Variants in BLOC1S5 observed in about 807,000 individuals in gnomAD.
The protein encoded by BLOC1S5 is biogenesis of lysosome-related organelles complex 1 subunit 5.
Under a neutral mutation model 24.3 loss-of-function variants are expected in BLOC1S5, and 27 were observed. That is an observed-to-expected ratio of 1.11 (90% CI 0.82 to 1.53). The LOEUF (loss-of-function observed/expected upper bound fraction) is 1.53. Among genes scored for constraint, BLOC1S5 ranks in the 40% most tolerant of loss-of-function variants. The pLI is 0.00. For synonymous variants in BLOC1S5, 84 were observed against 74.5 expected (o/e 1.13, Z -0.66); for missense variants, 239 against 229.4 (o/e 1.04, Z -0.27).
Position 8,018,772 on chromosome 6 carries a change from G to A in BLOC1S5, c.385-2944C>T, listed in dbSNP as rs904261576. Among the ~76,000 whole-genome samples, 9 of 152,316 alleles carry A rather than the reference G, an allele frequency of 5.9e-5. No individual in the cohort carries two copies. In the East Asian group the frequency reaches 1.5e-3, roughly 26 times the overall value. The stretch of plus-strand genomic sequence containing the variant: ...GGTAAATATTATACAAATCACAAGC[G>A]AAGCATCTAGAAGGCAGATCACTCC... On this transcript the variant is annotated intron_variant, in intron 4 of 4. Coordinates refer to ENST00000397457, the MANE Select transcript of BLOC1S5 (RefSeq NM_201280.3).
chr6:8,051,341 C>T (rs559784730), intron 2 of BLOC1S5, among the ~76,000 whole-genome samples: 3 of 152,300 alleles, frequency 2.0e-5, no homozygotes, highest in African/African-American at 7.2e-5. Context: ...AAGGCCCTAA[C>T]TCTATTCAAT....
chr6:8,022,332 A>C (rs543588953), intron 4 of BLOC1S5, among the ~76,000 whole-genome samples: 49 of 151,362 alleles, frequency 3.2e-4, no homozygotes, highest in Admixed American at 8.6e-4. Context: ...CCAAAGTGCC[A>C]ACAGTGCTGA....
intron 4 of BLOC1S5, among the ~76,000 whole-genome samples, chr6:8,019,495 C>T (rs1762850877): frequency 6.6e-6 from 1 of 151,966 alleles, no homozygotes. Flanking sequence ...TCTTGAACTC[C>T]TGACCTCAGG....
chr6:8,062,121 T>C (rs988216711), intron 2 of BLOC1S5, among the ~76,000 whole-genome samples: 3 of 152,178 alleles, frequency 2.0e-5, no homozygotes, highest in Non-Finnish European at 4.4e-5. Context: ...GTGGAACCTG[T>C]AAGAAAGGAA....
At chr6:8,059,277 A>G (rs1200635494) in intron 2 of BLOC1S5, among the ~76,000 whole-genome samples, 1 of 152,268 alleles carries the variant, frequency 6.6e-6, no homozygotes, top group Non-Finnish European at 1.5e-5. Flanking sequence ...AATATTAATG[A>G]AAACAAAAAG....
At chr6:8,056,661 A>G (rs1398339580) in intron 2 of BLOC1S5, among the ~76,000 whole-genome samples, 1 of 152,188 alleles carries the variant, frequency 6.6e-6, no homozygotes, top group Non-Finnish European at 1.5e-5. Flanking sequence ...GGAGCTATGC[A>G]GCTCCATTCA....
chr6:8,013,903 G>A lies in BLOC1S5; in HGVS notation c.*1746C>T, dbSNP rs1762656334. On this transcript the variant is annotated 3_prime_UTR_variant, in exon 5 of 5. Coordinates refer to ENST00000397457, the MANE Select transcript of BLOC1S5 (RefSeq NM_201280.3). ...GTCCAGGTACCAGCAAATGATTGAT[G>A]AGCCTGTCAAGCCTACAGTAGCGGA... 6.6e-6 allele frequency: 1 copy of A among 152,080 alleles called. No individual in the cohort carries two copies. The highest frequency in any genetic ancestry group is 6.6e-5 in the Admixed American group (1 of 15,264). The allele number at this position is 152,080 out of a possible 1,614,324, so 9.4% of individuals were successfully genotyped here.
At chr6:8,053,781 TCACA>T (rs1408459440) in intron 2 of BLOC1S5, among the ~76,000 whole-genome samples, 1 of 152,186 alleles carries the variant, frequency 6.6e-6, no homozygotes, top group African/African-American at 2.4e-5. Flanking sequence ...TGAGTCAAAT[TCACA>T]CACACATACA....
intron 3 of BLOC1S5, among the ~76,000 whole-genome samples, chr6:8,040,423 A>G (rs1176837929): frequency 6.6e-6 from 1 of 152,260 alleles, no homozygotes; most frequent in East Asian, 1.9e-4. Context: ...ACACAAACTT[A>G]GTCCTTTAAA....
upstream of BLOC1S5, chr6:8,064,413 C>G: frequency 6.4e-7 from 1 of 1,562,122 alleles, no homozygotes; most frequent in Non-Finnish European, 8.7e-7. Context: ...CACGCTGCGC[C>G]TGCGCAAACC....
rs867046621 is a variant in BLOC1S5, at chr6:8,059,450, T to C, written c.195+3084A>G. 9.8e-5 allele frequency among the ~76,000 whole-genome samples: 15 copies of C among 152,374 alleles called. 1 individual carries two copies. The Middle Eastern group carries it at 0.014, about 138-fold the overall frequency. The stretch of plus-strand genomic sequence containing the variant: ...TATAAACAACTTTAGTTTTAAGTGC[T>C]AGCCAGTTTTTCTTAAAGTAACCTA... On this transcript the variant is annotated intron_variant, in intron 2 of 4. Transcript: ENST00000397457.
chr6:8,033,633 C>T (rs1215468207), intron 3 of BLOC1S5, among the ~76,000 whole-genome samples: 2 of 152,164 alleles, frequency 1.3e-5, no homozygotes, highest in African/African-American at 2.4e-5. Flanking sequence ...CAAATGGGAT[C>T]TAATTAAACT....
intron 3 of BLOC1S5, among the ~76,000 whole-genome samples, chr6:8,029,048 G>A (rs749891850): frequency 1.3e-5 from 2 of 151,944 alleles, no homozygotes; most frequent in Admixed American, 6.6e-5. Context: ...GCATACCACA[G>A]TTAACAATGT....
At chr6:8,019,269 CT>C (rs3030896) in intron 4 of BLOC1S5, among the ~76,000 whole-genome samples, 91 of 138,712 alleles carry the variant, frequency 6.6e-4, no homozygotes, top group Admixed American at 6.6e-4. Flanking sequence ...GGCATTCTTA[CT>C]TTTTTTTTTT....
chr6:8,029,369 A>C (rs1763218289), intron 3 of BLOC1S5, among the ~76,000 whole-genome samples: 1 of 152,194 alleles, frequency 6.6e-6, no homozygotes, highest in Admixed American at 6.5e-5. Context: ...CTTGGCACCA[A>C]GCACATGGGA....
At chr6:8,017,477 G>A (rs185778069) in intron 4 of BLOC1S5, among the ~76,000 whole-genome samples, 15 of 152,244 alleles carry the variant, frequency 9.9e-5, no homozygotes, top group East Asian at 9.7e-4. Context: ...AAAGGGACAC[G>A]CAGCGTACTC....
At chr6:8,016,310 A>G (rs1762731800) in intron 4 of BLOC1S5, among the ~76,000 whole-genome samples, 1 of 150,074 alleles carries the variant, frequency 6.7e-6, no homozygotes, top group South Asian at 2.1e-4. Context: ...TGGGTGACAG[A>G]GTGAGACTCC....
intron 2 of BLOC1S5, among the ~76,000 whole-genome samples, chr6:8,048,029 G>A (rs1490469976): frequency 6.6e-6 from 1 of 152,174 alleles, no homozygotes; most frequent in East Asian, 1.9e-4. Context: ...GATTAGAAAG[G>A]TTTTTTGTTT....
At chr6:8,056,404 G>C (rs768483827) in intron 2 of BLOC1S5, among the ~76,000 whole-genome samples, 1 of 152,094 alleles carries the variant, frequency 6.6e-6, no homozygotes, top group African/African-American at 2.4e-5. Flanking sequence ...CCTGTTGCCT[G>C]GTTTTATTAC....
Sources: gnomAD v4.1 joint callset for allele counts (sites outside exome capture counted in the v4.1 genomes callset) on GRCh38, gnomAD v4.1.1 for gene constraint, MANE v1.5 for transcripts, NCBI Gene and HGNC (gene_info 2026-07-23, HGNC 2026-07-21) for gene names.